The following CHSY1 variants were observed in gnomAD, a reference collection of about 807,000 sequenced individuals.
CHSY1 encodes the protein chondroitin sulfate synthase 1, also known as N-acetylgalactosaminyl-proteoglycan 3-beta-glucuronosyltransferase 1.
In CHSY1, 13 loss-of-function variants were observed where a neutral mutation model predicts 59.8. That is an observed-to-expected ratio of 0.22 (90% CI 0.14 to 0.35). The LOEUF is 0.35. CHSY1 is among the 10% of genes least tolerant of loss of function. CHSY1 has a pLI of 1.00. For synonymous variants in CHSY1, 459 were observed against 401.2 expected, an observed-to-expected ratio of 1.14 and a Z score of -1.72; for missense variants, 947 against 1,030.6, an observed-to-expected ratio of 0.92 and a Z score of 1.11.
chr15:101,182,027 G>A (rs554212427), intron 2 of CHSY1, among the ~76,000 whole-genome samples: 1 of 152,326 alleles, frequency 6.6e-6, no homozygotes, highest in Admixed American at 6.5e-5. Flanking sequence ...TTACAGCACT[G>A]TATGTATTAA....
chr15:101,186,708 G>T (rs1050894114), intron 2 of CHSY1: 1 of 152,294 alleles, frequency 6.6e-6, no homozygotes, highest in African/African-American at 2.4e-5. Flanking sequence ...GGAGGCTGAG[G>T]GGGGAGGATC....
rs560385986 is a variant in CHSY1 at position 101,233,168 on chromosome 15, G to A, written c.816+1914C>T. Among the ~76,000 whole-genome samples, 43 of 152,216 alleles carry A rather than the reference G, an allele frequency of 2.8e-4. 1 individual carries two copies. In the South Asian group the frequency reaches 7.5e-3, roughly 26 times the overall value. On this transcript the variant is annotated intron_variant, in intron 2 of 2. Transcript: ENST00000254190. ...CAGAAACCTTTTGTGATTACCTCCC[G>A]TCAGAGGAAAATCATCTCCAAAATG...
At chr15:101,189,138 C>A (rs570397805) in intron 2 of CHSY1, among the ~76,000 whole-genome samples, 2 of 152,342 alleles carry the variant, frequency 1.3e-5, no homozygotes, top group East Asian at 3.9e-4. Context: ...AACACAAGAT[C>A]GAGCCGGCGA....
At chr15:101,205,923 G>A (rs149160124) in intron 2 of CHSY1, among the ~76,000 whole-genome samples, 27 of 151,990 alleles carry the variant, frequency 1.8e-4, no homozygotes, top group African/African-American at 6.3e-4. Context: ...CTACACTCCA[G>A]CCTGGGCGAA....
intron 1 of CHSY1, among the ~76,000 whole-genome samples, chr15:101,250,075 T>C (rs2039091464): frequency 6.6e-6 from 1 of 152,212 alleles, no homozygotes; most frequent in Non-Finnish European, 1.5e-5. Context: ...TGACCAAGAC[T>C]GCATTTAAAA....
chr15:101,197,647 TTATATAATGTAAAGCTATAAATG>T (rs2038522625), intron 2 of CHSY1, among the ~76,000 whole-genome samples: 1 of 152,232 alleles, frequency 6.6e-6, no homozygotes, highest in Non-Finnish European at 1.5e-5. Context: ...GATAAATTCC[TTATATAATGTAAAGCTATAAATG>T]TATATAATGT....
Position 101,178,090 on chromosome 15 carries a change from A to G in CHSY1, c.1707T>C (p.Val569=). ...LIPNQNVKLV[V]LLFNSDSNPD... ...GGTTGGAGTCAGAATTGAAAAGCAG[A>G]ACCACGAGCTTGACGTTCTGATTGG... The change falls in exon 3 of 3, where the codon GTT becomes GTC. Residue 569 remains valine, a synonymous_variant. Coordinates refer to ENST00000254190, the MANE Select transcript of CHSY1 (RefSeq NM_014918.5). The G allele has an allele frequency of 6.2e-7, 1 of 1,614,194 alleles. No individual in the cohort carries two copies. The highest frequency in any genetic ancestry group is 8.5e-7 in the Non-Finnish European group (1 of 1,180,034).
At chr15:101,241,465 A>C (rs533505353) in intron 1 of CHSY1, among the ~76,000 whole-genome samples, 2 of 152,364 alleles carry the variant, frequency 1.3e-5, no homozygotes, top group South Asian at 4.1e-4. Flanking sequence ...AAAAGTTTTA[A>C]CTGGGCAAAA....
At chr15:101,201,210 G>C (rs1276281747) in intron 2 of CHSY1, among the ~76,000 whole-genome samples, 3 of 152,112 alleles carry the variant, frequency 2.0e-5, no homozygotes, top group Non-Finnish European at 4.4e-5. Context: ...CCCACAAATG[G>C]GTATAGAGTA....
chr15:101,178,342 A>G lies in CHSY1; in HGVS notation c.1455T>C (p.His485=), dbSNP rs779399437. The G allele has an allele frequency of 6.2e-7, 1 of 1,607,960 alleles. No homozygotes were observed. Among genetic ancestry groups the G allele is most frequent in the Non-Finnish European group, 8.5e-7 (1 of 1,175,036 alleles). ...CCAACTCTTGTGCATCCAGCTCCTC[A>G]TGCTCCACAAACTGGATTTTGCTGA... The part of the protein sequence containing the change: ...QTFSKIQFVE[H]EELDAQELAK... Residue 485 remains histidine, a synonymous_variant, in exon 3 of 3, where the codon CAT becomes CAC. Coordinates refer to ENST00000254190, the MANE Select transcript of CHSY1 (RefSeq NM_014918.5).
intron 2 of CHSY1, among the ~76,000 whole-genome samples, chr15:101,232,435 T>C (rs963264762): frequency 6.6e-6 from 1 of 151,748 alleles, no homozygotes; most frequent in Non-Finnish European, 1.5e-5. Context: ...AATAAAAAAA[T>C]AGAAATCAAA....
intron 2 of CHSY1, among the ~76,000 whole-genome samples, chr15:101,207,942 A>G (rs1005753599): frequency 1.3e-5 from 2 of 152,208 alleles, no homozygotes; most frequent in African/African-American, 4.8e-5. Flanking sequence ...GGCGTCAGGT[A>G]GGCCGCCAAC....
At chr15:101,182,703 C>G (rs1742650303) in intron 2 of CHSY1, among the ~76,000 whole-genome samples, 1 of 152,144 alleles carries the variant, frequency 6.6e-6, no homozygotes, top group African/African-American at 2.4e-5. Flanking sequence ...TCTTTTGGAT[C>G]AATTGAACAG....
intron 2 of CHSY1, among the ~76,000 whole-genome samples, chr15:101,180,305 G>C (rs2038259757): frequency 6.6e-6 from 1 of 152,208 alleles, no homozygotes; most frequent in African/African-American, 2.4e-5. Flanking sequence ...CGGTCTTAGA[G>C]CAAGAATTAG....
Position 101,177,518 on chromosome 15 carries a change from T to C in CHSY1, c.2279A>G (p.Tyr760Cys). The C allele has an allele frequency of 6.2e-7, 1 of 1,613,704 alleles. No individual in the cohort carries two copies. Among genetic ancestry groups the C allele is most frequent in the Non-Finnish European group, 8.5e-7 (1 of 1,179,612 alleles). The change falls in exon 3 of 3, where the codon TAC becomes TGC. Residue 760 changes from tyrosine to cysteine, a missense_variant. Transcript: ENST00000254190. Reference protein sequence around the residue: ...FCDPNLDPKQYKMCLGSKAST... With the variant: ...FCDPNLDPKQCKMCLGSKAST... The stretch of plus-strand genomic sequence containing the variant: ...TGCTTTGGACCCCAAGCACATTTTG[T>C]ACTGTTTGGGGTCAAGATTGGGATC...
intron 2 of CHSY1, among the ~76,000 whole-genome samples, chr15:101,223,273 G>A (rs953602797): frequency 6.6e-6 from 1 of 152,174 alleles, no homozygotes; most frequent in Non-Finnish European, 1.5e-5. Flanking sequence ...AGGATGACAT[G>A]AGCCACCATG....
chr15:101,198,745 G>A (rs2038536378), intron 2 of CHSY1, among the ~76,000 whole-genome samples: 1 of 152,146 alleles, frequency 6.6e-6, no homozygotes, highest in Non-Finnish European at 1.5e-5. Context: ...CGGCCCACTG[G>A]CCAAAATCCC....
chr15:101,247,924 G>C (rs1757618211), intron 1 of CHSY1, among the ~76,000 whole-genome samples: 1 of 152,068 alleles, frequency 6.6e-6, no homozygotes, highest in African/African-American at 2.4e-5. Flanking sequence ...GAATGAAGAG[G>C]TTGCTAGCTA....
chr15:101,206,378 G>A (rs1015423797), intron 2 of CHSY1, among the ~76,000 whole-genome samples: 1 of 152,166 alleles, frequency 6.6e-6, no homozygotes, highest in Non-Finnish European at 1.5e-5. Flanking sequence ...TCAGAGGCAG[G>A]GGTGGAGGTC....
Sources: gnomAD v4.1 joint callset for allele counts (sites outside exome capture counted in the v4.1 genomes callset) on GRCh38, gnomAD v4.1.1 for gene constraint, MANE v1.5 for transcripts, NCBI Gene and HGNC (gene_info 2026-07-23, HGNC 2026-07-21) for gene names.